ERI3: variants seen among roughly 807,000 people sequenced by gnomAD.
The protein encoded by ERI3 is ERI1 exoribonuclease 3.
A neutral mutation model predicts 44.4 loss-of-function variants in ERI3; 18 were observed. That is an observed-to-expected ratio of 0.41 (90% CI 0.28 to 0.60). ERI3 has a LOEUF of 0.60. Ranked by LOEUF, ERI3 falls within the 20% of genes least tolerant of loss-of-function variation. The pLI, the probability that ERI3 is intolerant of heterozygous loss-of-function variation, is 0.36. For missense variants in ERI3, 294 were observed against 435.5 expected, an observed-to-expected ratio of 0.68 and a Z score of 2.89; for synonymous variants, 183 against 164.8, an observed-to-expected ratio of 1.11 and a Z score of -0.84.
At chr1:44,283,078 C>T (rs1440119632) in intron 7 of ERI3, among the ~76,000 whole-genome samples, 2 of 152,220 alleles carry the variant, frequency 1.3e-5, no homozygotes, top group African/African-American at 2.4e-5. Flanking sequence ...GCGCCTGCCT[C>T]GCCTGGCCGG....
At chr1:44,253,587 T>C (rs1390067106) in intron 7 of ERI3, among the ~76,000 whole-genome samples, 5 of 152,232 alleles carry the variant, frequency 3.3e-5, no homozygotes, top group Admixed American at 3.3e-4. Context: ...GACTCTGACA[T>C]ACCTACCATC....
At chr1:44,249,185 A>G (rs1014995361) in intron 7 of ERI3, among the ~76,000 whole-genome samples, 1 of 152,132 alleles carries the variant, frequency 6.6e-6, no homozygotes, top group Non-Finnish European at 1.5e-5. Context: ...AAGTCCCCAA[A>G]CACCAGGCTG....
chr1:44,273,541 C>T (rs914613206), intron 7 of ERI3, among the ~76,000 whole-genome samples: 15 of 152,218 alleles, frequency 9.9e-5, no homozygotes, highest in African/African-American at 3.6e-4. Flanking sequence ...TAAATTAATG[C>T]TTGTTGATGC....
intron 8 of ERI3, among the ~76,000 whole-genome samples, chr1:44,245,899 T>C (rs1350815209): frequency 6.6e-6 from 1 of 152,152 alleles, no homozygotes; most frequent in East Asian, 1.9e-4. Context: ...TTCTCACTGG[T>C]CCTCTTTGGT....
intron 7 of ERI3, among the ~76,000 whole-genome samples, chr1:44,256,223 C>T (rs918884501): frequency 2.0e-5 from 3 of 152,140 alleles, no homozygotes; most frequent in African/African-American, 7.2e-5. Flanking sequence ...GCCAATCCTA[C>T]CCAGTCTCCT....
intron 3 of ERI3, among the ~76,000 whole-genome samples, chr1:44,336,396 G>A (rs75538676): frequency 0.047 from 7,169 of 152,288 alleles, 192 homozygotes; most frequent in African/African-American, 0.065. Flanking sequence ...TTTCCTGAAG[G>A]TGGTCTGATG....
intron 7 of ERI3, among the ~76,000 whole-genome samples, chr1:44,283,184 A>G (rs1384475578): frequency 3.3e-5 from 5 of 152,128 alleles, no homozygotes; most frequent in African/African-American, 4.8e-5. Context: ...TAGCCCCACC[A>G]CATGCCTAGC....
chr1:44,307,518 T>C (rs2154327502), intron 6 of ERI3, among the ~76,000 whole-genome samples: 1 of 152,252 alleles, frequency 6.6e-6, no homozygotes, highest in Admixed American at 6.5e-5. Context: ...CAGCAAACAG[T>C]GCCCCCACCA....
At chr1:44,269,086 C>T (rs568854455) in intron 7 of ERI3, among the ~76,000 whole-genome samples, 26 of 152,328 alleles carry the variant, frequency 1.7e-4, no homozygotes, top group African/African-American at 4.8e-4. Context: ...CAAGGCCAGA[C>T]ATTGTAGTTG....
intron 6 of ERI3, among the ~76,000 whole-genome samples, chr1:44,296,095 C>G (rs1014234712): frequency 3.3e-5 from 5 of 152,150 alleles, no homozygotes; most frequent in Non-Finnish European, 7.3e-5. Flanking sequence ...ATTCCTTTAT[C>G]CCTGGGGAAA....
chr1:44,311,753 G>A lies in ERI3; in HGVS notation c.666+1416C>T, dbSNP rs572764839. Among the ~76,000 whole-genome samples, 4 of 152,264 alleles carry A rather than the reference G, an allele frequency of 2.6e-5. No homozygotes were observed. In the South Asian group the frequency reaches 8.3e-4, roughly 32 times the overall value. ...CAGATGTTCCAGGAAAAAGGTGCCT[G>A]TCTTCTGGCATCCCTCAGGAGCCAG... is the stretch of plus-strand genomic sequence containing the variant. On this transcript the variant is annotated intron_variant, in intron 5 of 8. Transcript: ENST00000372257.
intron 7 of ERI3, among the ~76,000 whole-genome samples, chr1:44,278,700 A>G (rs1470200357): frequency 6.6e-6 from 1 of 152,110 alleles, no homozygotes; most frequent in African/African-American, 2.4e-5. Flanking sequence ...CCCGGGTTCA[A>G]GTGATTCTCA....
intron 1 of ERI3, 109 bp downstream of exon 1, chr1:44,354,783 A>G: frequency 7.8e-7 from 1 of 1,277,372 alleles, no homozygotes; most frequent in East Asian, 2.9e-5. Flanking sequence ...CATCCAGGGT[A>G]AGCACATGGG....
At chr1:44,319,491 C>G (rs943768500) in intron 4 of ERI3, 137 bp downstream of exon 4, 12 of 614,768 alleles carry the variant, frequency 2.0e-5, no homozygotes, top group Non-Finnish European at 3.2e-5. Context: ...TTCATAAAAC[C>G]TAACTGCTAG....
Position 44,355,239 on chromosome 1 carries a change from G to T in ERI3, c.-213C>A. On this transcript the variant is annotated 5_prime_UTR_variant, in exon 1 of 9. Coordinates refer to ENST00000372257, the MANE Select transcript of ERI3 (RefSeq NM_024066.3). ...TGAACAGCGGCAGCCAGCACCACGA[G>T]TCCACAACACACCGACTCACCTCCG... 2 of 1,179,282 alleles carry T rather than the reference G, an allele frequency of 1.7e-6. No individual in the cohort carries two copies. The highest frequency in any genetic ancestry group is 2.1e-6 in the Non-Finnish European group (2 of 954,458). The allele number at this position is 1,179,282 out of a possible 1,614,324, so 73.1% of individuals were successfully genotyped here. A position where few individuals can be genotyped will look rare whatever the true frequency, so the allele number is the denominator to read the frequency against.
rs147044387 is a variant in ERI3 at position 44,320,512 on chromosome 1, G to A, written c.490-768C>T. The stretch of plus-strand genomic sequence containing the variant: ...AACAGGCTTGCAGAACGCTGGCTGT[G>A]CAGCACGCCTCATACATCGCTCCTG... On this transcript the variant is annotated intron_variant, in intron 3 of 8. Coordinates refer to ENST00000372257, the MANE Select transcript of ERI3 (RefSeq NM_024066.3). Among the ~76,000 whole-genome samples the A allele has an allele frequency of 1.5e-3, 223 of 152,294 alleles. 1 individual carries two copies. Among genetic ancestry groups the A allele is most frequent in the South Asian group, 1.9e-3 (9 of 4,828 alleles).
intron 6 of ERI3, among the ~76,000 whole-genome samples, chr1:44,293,099 G>A (rs1645542029): frequency 6.6e-6 from 1 of 152,192 alleles, no homozygotes; most frequent in Admixed American, 6.5e-5. Flanking sequence ...GGGCTGGAGG[G>A]TTTTCTAGGG....
At chr1:44,250,560 C>T (rs184744423) in intron 7 of ERI3, among the ~76,000 whole-genome samples, 24 of 152,296 alleles carry the variant, frequency 1.6e-4, no homozygotes, top group Non-Finnish European at 3.1e-4. Flanking sequence ...AACCCGGTCC[C>T]GCCTGACAGA....
At chr1:44,281,700 T>A (rs1246593121) in intron 7 of ERI3, among the ~76,000 whole-genome samples, 1 of 151,396 alleles carries the variant, frequency 6.6e-6, no homozygotes, top group Non-Finnish European at 1.5e-5. Flanking sequence ...TATGAATATG[T>A]ATGTATAAAC....
Sources: gnomAD v4.1 joint callset for allele counts (sites outside exome capture counted in the v4.1 genomes callset) on GRCh38, gnomAD v4.1.1 for gene constraint, MANE v1.5 for transcripts, NCBI Gene and HGNC (gene_info 2026-07-23, HGNC 2026-07-21) for gene names.